SIGLEC15: variants seen among roughly 807,000 people sequenced by gnomAD.
The protein encoded by SIGLEC15 is sialic acid-binding Ig-like lectin 15.
SIGLEC15 carries 31 observed loss-of-function variants against 26.2 expected under a neutral mutation model. The ratio of observed to expected loss-of-function variants is 1.18; its 90% CI spans 0.89 to 1.60. The LOEUF is 1.60. Among genes scored for constraint, SIGLEC15 ranks in the 40% most tolerant of loss-of-function variants. The pLI, the probability that SIGLEC15 is intolerant of heterozygous loss-of-function variation, is 0.00. For missense variants in SIGLEC15, 501 were observed against 488.4 expected (o/e 1.03, Z -0.24); for synonymous variants, 207 against 221.9 (o/e 0.93, Z 0.60).
At chr18:45,830,840 T>C (rs2048229938) in intron 1 of SIGLEC15, among the ~76,000 whole-genome samples, 1 of 151,698 alleles carries the variant, frequency 6.6e-6, no homozygotes, top group Admixed American at 6.6e-5. Flanking sequence ...CCTTGTGATC[T>C]GCCCGCCTCA....
In SIGLEC15 at chr18:45,837,545, C is replaced by A; in HGVS notation, c.145C>A (p.Pro49Thr). 6.6e-7 allele frequency: 1 copy of A among 1,517,196 alleles called. No individual in the cohort carries two copies. 94.0% of individuals were successfully genotyped at this position (1,517,196 alleles called of 1,614,324 possible). A position where few individuals can be genotyped will look rare whatever the true frequency, so the allele number is the denominator to read the frequency against. ...SPAQRWSMQV[P>T]PEVSAEAGDA... ...AGCGCAGCGCTGGTCCATGCAGGTG[C>A]CACCCGAGGTGAGCGCGGAGGCAGG... The change falls in exon 3 of 6, where the codon CCA becomes ACA. Residue 49 changes from proline to threonine, a missense_variant. By Grantham distance (38) the Pro-to-Thr change is conservative. Transcript: ENST00000389474.
chr18:45,829,223 A>C (rs377088993), intron 1 of SIGLEC15: 1 of 907,518 alleles, frequency 1.1e-6, no homozygotes, highest in East Asian at 1.2e-4. Flanking sequence ...AGCCTGCGGC[A>C]GAGGCATGGG....
intron 1 of SIGLEC15, among the ~76,000 whole-genome samples, chr18:45,829,764 A>AGCC (rs2048216851): frequency 6.6e-6 from 1 of 152,104 alleles, no homozygotes; most frequent in Non-Finnish European, 1.5e-5. Flanking sequence ...GGCACAAAAG[A>AGCC]TGCCTGAGGG....
intron 1 of SIGLEC15, among the ~76,000 whole-genome samples, chr18:45,827,405 C>G (rs559333529): frequency 2.0e-5 from 3 of 152,170 alleles, no homozygotes; most frequent in Non-Finnish European, 4.4e-5. Flanking sequence ...AGGGAAGGAG[C>G]TATCTTTTCC....
At chr18:45,838,001 C>A in intron 3 of SIGLEC15, 105 bp downstream of exon 3, 1 of 1,328,410 alleles carries the variant, frequency 7.5e-7, no homozygotes, top group Non-Finnish European at 9.7e-7. Context: ...CCAGGAAGGG[C>A]AACGAGACCC....
chr18:45,839,661 G>A (rs1270054225), intron 4 of SIGLEC15, among the ~76,000 whole-genome samples: 1 of 152,076 alleles, frequency 6.6e-6, no homozygotes, highest in African/African-American at 2.4e-5. Context: ...AAGCCGTGCT[G>A]GGAGAGCTAA....
At chr18:45,835,185 AGC>A (rs1240851289) in intron 1 of SIGLEC15, among the ~76,000 whole-genome samples, 1 of 152,194 alleles carries the variant, frequency 6.6e-6, no homozygotes, top group African/African-American at 2.4e-5. Flanking sequence ...GTGAACACAA[AGC>A]AAGAGAAGAA....
In SIGLEC15 at chr18:45,842,236, G is replaced by C; in HGVS notation, c.*49G>C. On this transcript the variant is annotated 3_prime_UTR_variant, in exon 6 of 6. Coordinates refer to ENST00000389474, the MANE Select transcript of SIGLEC15 (RefSeq NM_213602.3). ...CATTTCAGCACTGTAAAGAACAAAG[G>C]CCAGTGCGAGGCTTGGCTGGCACAG... is the stretch of plus-strand genomic sequence containing the variant. 6.3e-7 allele frequency: 1 copy of C among 1,599,620 alleles called. No individual in the cohort carries two copies. The highest frequency in any genetic ancestry group is 8.6e-7 in the Non-Finnish European group (1 of 1,166,866).
At chr18:45,841,531 G>A (rs1050444424) in intron 5 of SIGLEC15, among the ~76,000 whole-genome samples, 14 of 152,240 alleles carry the variant, frequency 9.2e-5, no homozygotes, top group African/African-American at 3.4e-4. Flanking sequence ...CCGTTGGCAA[G>A]GCTGAGGCTG....
intron 5 of SIGLEC15, 38 bp from the exon 6 acceptor site, chr18:45,842,068 C>T (rs759395725): frequency 6.2e-7 from 1 of 1,601,880 alleles, no homozygotes; most frequent in East Asian, 2.2e-5. Flanking sequence ...GGACCTCCCA[C>T]CTGTTTGGAT....
chr18:45,843,261 G>A lies in SIGLEC15; in HGVS notation c.*1074G>A, dbSNP rs1163226176. ...ACTTCACCCCCTTTGCCCTAACGCGGGCAGGCTGACTTGGAGGGGTGCTTC... is the reference window on the plus strand; with the variant it reads ...ACTTCACCCCCTTTGCCCTAACGCGAGCAGGCTGACTTGGAGGGGTGCTTC... On this transcript the variant is annotated 3_prime_UTR_variant, in exon 6 of 6. Transcript: ENST00000389474. 2 of 152,328 alleles carry A rather than the reference G, an allele frequency of 1.3e-5. No individual in the cohort carries two copies. The highest frequency in any genetic ancestry group is 4.8e-5 in the African/African-American group (2 of 41,458). The allele number at this position is 152,328 out of a possible 1,614,324, so 9.4% of individuals were successfully genotyped here.
chr18:45,834,381 C>T (rs1000679785), intron 1 of SIGLEC15, among the ~76,000 whole-genome samples: 4 of 152,204 alleles, frequency 2.6e-5, no homozygotes, highest in African/African-American at 9.7e-5. Context: ...CTGGACAAGA[C>T]ACACAGTTCA....
chr18:45,826,208 A>G (rs2048183973), intron 1 of SIGLEC15, among the ~76,000 whole-genome samples: 1 of 151,700 alleles, frequency 6.6e-6, no homozygotes, highest in Non-Finnish European at 1.5e-5. Flanking sequence ...GACAGTGCTG[A>G]TGCATGGGAG....
In SIGLEC15 at chr18:45,837,465, G is replaced by A. The variant is rs977851804; in HGVS notation, c.113-48G>A. On this transcript the variant is annotated intron_variant, in intron 2 of 5. Transcript: ENST00000389474. ...GGGTTTCCAGGCCCCGGGTGCGGGC[G>A]CCTCGACCCCAGGGCCCCGAGCCTG... is the stretch of plus-strand genomic sequence containing the variant. 134 of 1,426,188 alleles carry A rather than the reference G, an allele frequency of 9.4e-5. No homozygotes were observed. In the Middle Eastern group the frequency reaches 3.1e-3, roughly 33 times the overall value. 88.3% of individuals were successfully genotyped at this position (1,426,188 alleles called of 1,614,324 possible).
chr18:45,838,716 A>T lies in SIGLEC15; in HGVS notation c.497-2A>T. ...GACAGTCACCCGCCTTCTCCCCTGC[A>T]GCCGCGCCGCGGATCGTCAACATCT... is the stretch of plus-strand genomic sequence containing the variant. On this transcript the variant is annotated splice_acceptor_variant, in intron 3 of 5. Transcript: ENST00000389474. LOFTEE classifies it high-confidence loss of function. 1 of 1,570,828 alleles carries T rather than the reference A, an allele frequency of 6.4e-7. No individual in the cohort carries two copies. Among genetic ancestry groups the T allele is most frequent in the South Asian group, 1.2e-5 (1 of 86,324 alleles).
intron 1 of SIGLEC15, among the ~76,000 whole-genome samples, chr18:45,834,291 G>C (rs938273587): frequency 6.6e-6 from 1 of 152,192 alleles, no homozygotes; most frequent in African/African-American, 2.4e-5. Flanking sequence ...GTGACTGAGA[G>C]GCAGGTACCA....
At chr18:45,837,977 G>A (rs1383620854) in intron 3 of SIGLEC15, 81 bp downstream of exon 3, 1 of 1,391,090 alleles carries the variant, frequency 7.2e-7, no homozygotes, top group Non-Finnish European at 9.3e-7. Context: ...GTGGGTGCCA[G>A]GCGCTGTGCT....
rs764771452 is a variant in SIGLEC15 at position 45,842,155 on chromosome 18, C to T, written c.955C>T (p.Arg319Trp). The T allele has an allele frequency of 1.1e-5, 17 of 1,614,072 alleles. No homozygotes were observed. The Admixed American group carries it at 1.3e-4, about 13-fold the overall frequency. Residue 319 changes from arginine to tryptophan, a missense_variant, in exon 6 of 6, where the codon CGG becomes TGG. Physicochemically the swap from Arg to Trp is moderately radical, Grantham distance 101 (BLOSUM62 -3). Coordinates refer to ENST00000389474, the MANE Select transcript of SIGLEC15 (RefSeq NM_213602.3). ...TGAAAATTTGAGCCAGATGAACCCC[C>T]GGAGCCCACCAGCCACCATGTGCTC... ...NYENLSQMNP[R>W]SPPATMCSP is the part of the protein sequence containing the mutation.
chr18:45,839,223 G>A, intron 4 of SIGLEC15, 128 bp downstream of exon 4: 1 of 1,239,880 alleles, frequency 8.1e-7, no homozygotes, highest in East Asian at 3.2e-5. Context: ...GCATCGTGGC[G>A]CTTTCCTCTC....
Sources: allele counts gnomAD v4.1 joint callset (sites outside exome capture counted in the v4.1 genomes callset), GRCh38; gene constraint gnomAD v4.1.1; transcripts MANE v1.5; gene names NCBI Gene and HGNC (gene_info 2026-07-23, HGNC 2026-07-21).